Variants in EYS observed in about 807,000 individuals in gnomAD.
EYS encodes protein eyes shut homolog.
Under a neutral mutation model 282.1 loss-of-function variants are expected in EYS, and 250 were observed. That is an observed-to-expected ratio of 0.89 (90% confidence interval 0.80 to 0.98). The LOEUF is 0.98. EYS is among the 50% of genes least tolerant of loss of function. The pLI is 0.00. For synonymous variants in EYS, 1,355 were observed against 1,282.9 expected, an observed-to-expected ratio of 1.06 and a Z score of -1.20; for missense variants, 4,016 against 3,709.0, an observed-to-expected ratio of 1.08 and a Z score of -2.15.
At chr6:64,107,287 A>ATATATATATATATATATATATT (rs1554208107) in intron 31 of EYS, among the ~76,000 whole-genome samples, 10 of 59,638 alleles carry the variant, frequency 1.7e-4, no homozygotes, top group South Asian at 6.6e-4. Flanking sequence ...ATATATATTT[A>ATATATATATATATATATATATT]TATATATATA....
At chr6:65,174,967 G>C (rs1208194168) in intron 12 of EYS, among the ~76,000 whole-genome samples, 1 of 151,128 alleles carries the variant, frequency 6.6e-6, no homozygotes, top group Non-Finnish European at 1.5e-5. Context: ...CATGGATACA[G>C]ATACAAATAA....
chr6:64,717,407 G>A (rs1771433103), intron 22 of EYS, among the ~76,000 whole-genome samples: 2 of 152,186 alleles, frequency 1.3e-5, no homozygotes, highest in Non-Finnish European at 1.5e-5. Context: ...GTTATCATAA[G>A]GAGCTTGCAG....
intron 37 of EYS, among the ~76,000 whole-genome samples, chr6:63,804,292 A>T (rs901421679): frequency 1.1e-4 from 17 of 152,248 alleles, no homozygotes; most frequent in Admixed American, 1.0e-3. Context: ...CTGGGATTAC[A>T]GGCGTGAGTC....
intron 12 of EYS, among the ~76,000 whole-genome samples, chr6:65,176,077 T>G (rs576531842): frequency 6.6e-6 from 1 of 151,462 alleles, no homozygotes; most frequent in Admixed American, 6.6e-5. Context: ...TGTGTTTGTA[T>G]GTGTGTGTGT....
intron 8 of EYS, among the ~76,000 whole-genome samples, chr6:65,379,979 A>T (rs532164617): frequency 2.0e-5 from 3 of 152,212 alleles, no homozygotes; most frequent in Middle Eastern, 6.8e-3. Context: ...GACACAAACA[A>T]ATGGAAAAAA....
chr6:65,516,740 G>A (rs1767150657), intron 2 of EYS, among the ~76,000 whole-genome samples: 1 of 152,000 alleles, frequency 6.6e-6, no homozygotes, highest in African/African-American at 2.4e-5. Context: ...GCACAAGGAT[G>A]CCTGGTATTA....
At chr6:65,394,260 A>G (rs2150358655) in intron 7 of EYS, among the ~76,000 whole-genome samples, 1 of 152,050 alleles carries the variant, frequency 6.6e-6, no homozygotes, top group Admixed American at 6.6e-5. Context: ...GCAAAATGGC[A>G]GTATTAATAA....
At chr6:64,371,542 T>G (rs1455633161) in intron 29 of EYS, among the ~76,000 whole-genome samples, 1 of 151,888 alleles carries the variant, frequency 6.6e-6, no homozygotes, top group Non-Finnish European at 1.5e-5. Context: ...TTTGGTCAAG[T>G]TGAATTGAGA....
At chr6:64,398,840 AC>A (rs949154840) in intron 28 of EYS, among the ~76,000 whole-genome samples, 6 of 151,828 alleles carry the variant, frequency 4.0e-5, no homozygotes, top group Non-Finnish European at 1.5e-5. Flanking sequence ...CTATGTTAAG[AC>A]TATGGGAGAA....
At chr6:65,665,483 G>A (rs551792085) in intron 1 of EYS, among the ~76,000 whole-genome samples, 1 of 152,076 alleles carries the variant, frequency 6.6e-6, no homozygotes, top group Non-Finnish European at 1.5e-5. Context: ...CTTAAAAATG[G>A]CACAAGGTTT....
rs1770951746 is a variant in EYS at position 64,055,436 on chromosome 6, A to G, written c.6725+10902T>C. Among the ~76,000 whole-genome samples the G allele has an allele frequency of 2.0e-5, 3 of 152,296 alleles. No individual in the cohort carries two copies. The South Asian group carries it at 6.2e-4, about 32-fold the overall frequency. The stretch of plus-strand genomic sequence containing the variant: ...AATGAGTGTTATTATCTTTGTTTCA[A>G]AAAAGAAACATGTAAGATCCTTTGT... On this transcript the variant is annotated intron_variant, in intron 33 of 42. Coordinates refer to ENST00000503581, the MANE Select transcript of EYS (RefSeq NM_001142800.2).
chr6:64,518,128 CATT>C (rs1378422337), intron 26 of EYS, among the ~76,000 whole-genome samples: 1 of 151,850 alleles, frequency 6.6e-6, no homozygotes, highest in Non-Finnish European at 1.5e-5. Flanking sequence ...AGCTTAAAAA[CATT>C]ATCCAAATTT....
At position 63,788,244 on chromosome 6, in the gene EYS, A is replaced by G; in HGVS notation, c.7584T>C (p.Asp2528=). The G allele has an allele frequency of 6.5e-7, 1 of 1,532,066 alleles. No homozygotes were observed. The highest frequency in any genetic ancestry group is 1.3e-5 in the South Asian group (1 of 78,490). The allele number at this position is 1,532,066 out of a possible 1,614,324, so 94.9% of individuals were successfully genotyped here. ...KFFQEGWLKV[D]DHKNKSIIAP... ...CGATAATGGATTTATTTTTATGATC[A>G]TCTACCTTCGAAAGGGAAAAAAAAC... The change falls in exon 39 of 43, where the codon GAT becomes GAC. Residue 2528 remains aspartate, a synonymous_variant. Transcript: ENST00000503581.
chr6:65,183,974 A>G (rs184884753), intron 12 of EYS, among the ~76,000 whole-genome samples: 255 of 152,054 alleles, frequency 1.7e-3, no homozygotes, highest in African/African-American at 5.8e-3. Flanking sequence ...TAATATCTCA[A>G]TGGAATCGGA....
chr6:64,972,453 G>A (rs34346075), intron 14 of EYS, among the ~76,000 whole-genome samples: 1 of 151,722 alleles, frequency 6.6e-6, no homozygotes, highest in Non-Finnish European at 1.5e-5. Context: ...CCACCTCTGC[G>A]ACTCCTGAGA....
chr6:64,189,782 C>T (rs1164388952), intron 31 of EYS, among the ~76,000 whole-genome samples: 4 of 152,114 alleles, frequency 2.6e-5, no homozygotes, highest in African/African-American at 7.2e-5. Context: ...TTAGACTTGC[C>T]AGCCCCCACA....
chr6:65,540,989 T>C (rs1369046855), intron 2 of EYS, among the ~76,000 whole-genome samples: 1 of 152,220 alleles, frequency 6.6e-6, no homozygotes, highest in East Asian at 1.9e-4. Context: ...TCACAATTTT[T>C]ATTTTTATTT....
At chr6:64,766,681 TATAA>T (rs1773362244) in intron 22 of EYS, among the ~76,000 whole-genome samples, 1 of 111,566 alleles carries the variant, frequency 9.0e-6, no homozygotes, top group South Asian at 3.0e-4. Flanking sequence ...TATATATATA[TATAA>T]AATCTAACAA....
intron 22 of EYS, among the ~76,000 whole-genome samples, chr6:64,799,548 A>G (rs1723870611): frequency 6.6e-6 from 1 of 151,616 alleles, no homozygotes; most frequent in Non-Finnish European, 1.5e-5. Context: ...GCATCTAACA[A>G]ATATTCATTA....
Sources: allele counts gnomAD v4.1 joint callset (sites outside exome capture counted in the v4.1 genomes callset), GRCh38; gene constraint gnomAD v4.1.1; transcripts MANE v1.5; gene names NCBI Gene and HGNC (gene_info 2026-07-23, HGNC 2026-07-21).